LIFR: variants seen among roughly 807,000 people sequenced by gnomAD.
LIFR encodes the protein LIF receptor subunit alpha, also known as leukemia inhibitory factor receptor.
A neutral mutation model predicts 122.2 loss-of-function variants in LIFR; 84 were observed. That is an observed-to-expected ratio of 0.69 (90% CI 0.58 to 0.82). LIFR has a LOEUF of 0.82. LIFR is among the 40% of genes least tolerant of loss of function. The probability of loss-of-function intolerance (pLI) is 0.00; values close to 1 mark genes in which losing one functional copy is unlikely to be tolerated. For missense variants in LIFR, 1,294 were observed against 1,311.6 expected, an observed-to-expected ratio of 0.99 and a Z score of 0.21; for synonymous variants, 422 against 434.7, an observed-to-expected ratio of 0.97 and a Z score of 0.36.
At position 38,482,263 on chromosome 5, in the gene LIFR, C is replaced by T. The variant is rs745327145; in HGVS notation, c.2671-45G>A. The T allele has an allele frequency of 1.1e-5, 17 of 1,564,724 alleles. No individual in the cohort carries two copies. The South Asian group carries it at 1.9e-4, about 17-fold the overall frequency. On this transcript the variant is annotated intron_variant, in intron 19 of 19. Transcript: ENST00000453190. Reference sequence around the variant, plus strand: ...CAGTGATTAAAAATAGCACTAAATGCCATTGCAATGCTCCTCCTATAAAAA... The same window carrying T: ...CAGTGATTAAAAATAGCACTAAATGTCATTGCAATGCTCCTCCTATAAAAA...
chr5:38,596,610 C>T (rs1397505224), upstream of LIFR, among the ~76,000 whole-genome samples: 1 of 152,164 alleles, frequency 6.6e-6, no homozygotes, highest in Non-Finnish European at 1.5e-5. Context: ...AGTGTAAAAT[C>T]GCCCTTACCA....
chr5:38,527,706 G>A (rs571643938), intron 3 of LIFR, among the ~76,000 whole-genome samples: 1 of 152,250 alleles, frequency 6.6e-6, no homozygotes, highest in East Asian at 1.9e-4. Flanking sequence ...CAACTCCCCT[G>A]CTCCTCTGCC....
rs1352525703 is a variant in LIFR at position 38,479,805 on chromosome 5, G to T, written c.*1790C>A. ...GGAAGACAAGAGAACACTCTTTAGG[G>T]ATGGCTCTGATTGGATATATTTTTC... On this transcript the variant is annotated 3_prime_UTR_variant, in exon 20 of 20. Transcript: ENST00000453190. 4.3e-6 allele frequency: 1 copy of T among 230,194 alleles called. No homozygotes were observed. The highest frequency in any genetic ancestry group is 8.6e-6 in the Non-Finnish European group (1 of 116,184). The allele number at this position is 230,194 out of a possible 1,614,324, so 14.3% of individuals were successfully genotyped here.
Position 38,481,495 on chromosome 5 carries a change from A to G in LIFR, c.*100T>C. On this transcript the variant is annotated 3_prime_UTR_variant, in exon 20 of 20. Transcript: ENST00000453190. ...ATGTAGTGAAGTTCACCTCCTAACA[A>G]TACTTCACAGGATCCCTCCAAGAAT... 7.9e-7 allele frequency: 1 copy of G among 1,271,156 alleles called. No homozygotes were observed. Among genetic ancestry groups the G allele is most frequent in the Non-Finnish European group, 1.2e-6 (1 of 868,448 alleles). The allele number at this position is 1,271,156 out of a possible 1,614,324, so 78.7% of individuals were successfully genotyped here. A position where few individuals can be genotyped will look rare whatever the true frequency, so the allele number is the denominator to read the frequency against.
intron 1 of LIFR, among the ~76,000 whole-genome samples, chr5:38,578,426 G>A (rs926641587): frequency 1.2e-4 from 18 of 150,866 alleles, no homozygotes; most frequent in Non-Finnish European, 1.5e-4. Context: ...GGCTGGTCTC[G>A]AACTCCCAAC....
intron 5 of LIFR, among the ~76,000 whole-genome samples, chr5:38,516,169 G>A (rs1165826786): frequency 6.6e-6 from 1 of 152,124 alleles, no homozygotes; most frequent in African/African-American, 2.4e-5. Flanking sequence ...GTTGTAGAAT[G>A]AGCTATATGG....
intron 1 of LIFR, among the ~76,000 whole-genome samples, chr5:38,568,749 C>G (rs528477046): frequency 6.6e-6 from 1 of 152,260 alleles, no homozygotes; most frequent in Non-Finnish European, 1.5e-5. Flanking sequence ...TATAATGCAC[C>G]TTACAGCCAT....
chr5:38,481,691 T>C lies in LIFR; in HGVS notation c.3198A>G (p.Arg1066=), dbSNP rs1743993768. 2 of 1,614,018 alleles carry C rather than the reference T, an allele frequency of 1.2e-6. No individual in the cohort carries two copies. The highest frequency in any genetic ancestry group is 1.7e-6 in the Non-Finnish European group (2 of 1,180,002). ...CATCTTTAGGAGGAATCAAAAATTG[T>C]CGGGAATTAATGGAGCATGGACTTC... ...SFGSPCSINS[R]QFLIPPKDED... The change falls in exon 20 of 20, where the codon CGA becomes CGG. Residue 1066 remains arginine (R), a synonymous_variant. Coordinates refer to ENST00000453190, the MANE Select transcript of LIFR (RefSeq NM_001127671.2).
chr5:38,548,809 T>C (rs957307800), intron 1 of LIFR, among the ~76,000 whole-genome samples: 2 of 152,200 alleles, frequency 1.3e-5, no homozygotes, highest in African/African-American at 4.8e-5. Context: ...TATTTCCCAG[T>C]GACCAGAAGC....
chr5:38,482,742 C>A, intron 18 of LIFR, 75 bp from the exon 19 acceptor site: 1 of 640,092 alleles, frequency 1.6e-6, no homozygotes, highest in Non-Finnish European at 2.6e-6. Context: ...AATCATTAGG[C>A]TTATTTTGAA....
At chr5:38,536,046 G>A (rs1259896052) in intron 1 of LIFR, among the ~76,000 whole-genome samples, 7 of 152,056 alleles carry the variant, frequency 4.6e-5, no homozygotes, top group African/African-American at 1.2e-4. Context: ...GTGTGACATC[G>A]TATCTTTATC....
chr5:38,511,955 T>C lies in LIFR; in HGVS notation c.571A>G (p.Asn191Asp), dbSNP rs1238643995. 3 of 1,613,900 alleles carry C rather than the reference T, an allele frequency of 1.9e-6. No individual in the cohort carries two copies. The highest frequency in any genetic ancestry group is 1.3e-5 in the African/African-American group (1 of 74,904). ...SMELVKLVTH[N>D]TTLNGKDTLH... ...GTATCTTTGCCATTCAGAGTTGTGT[T>C]GTGGGTCACCTAAAAATGAACACAA... The change falls in exon 6 of 20, where the codon AAC (asparagine) becomes GAC (aspartate). Residue 191 changes from asparagine to aspartate, a missense_variant. By Grantham distance (23) the Asn-to-Asp change is conservative. Coordinates refer to ENST00000453190, the MANE Select transcript of LIFR (RefSeq NM_001127671.2).
At chr5:38,537,895 A>C (rs565829954) in intron 1 of LIFR, among the ~76,000 whole-genome samples, 1 of 152,248 alleles carries the variant, frequency 6.6e-6, no homozygotes, top group African/African-American at 2.4e-5. Flanking sequence ...TAGATTCCCC[A>C]ATCGCTTTTA....
chr5:38,480,943 A>G lies in LIFR; in HGVS notation c.*652T>C. On this transcript the variant is annotated 3_prime_UTR_variant, in exon 20 of 20. Coordinates refer to ENST00000453190, the MANE Select transcript of LIFR (RefSeq NM_001127671.2). ...TATGATTTGGGCTGGTCAGTGTCAC[A>G]CTTGTTTTCAAAGTTTGTACCCCTG... The G allele has an allele frequency of 4.5e-6, 1 of 221,146 alleles. No individual in the cohort carries two copies. The highest frequency in any genetic ancestry group is 9.1e-6 in the Non-Finnish European group (1 of 110,242). 13.7% of individuals were successfully genotyped at this position (221,146 alleles called of 1,614,324 possible). A position where few individuals can be genotyped will look rare whatever the true frequency, so the allele number is the denominator to read the frequency against.
upstream of LIFR, chr5:38,558,976 C>T (rs1446188808): frequency 2.6e-5 from 4 of 152,246 alleles, no homozygotes; most frequent in Non-Finnish European, 5.9e-5. Flanking sequence ...GAGGGAAAGT[C>T]CTAGTGGAAA....
intron 1 of LIFR, among the ~76,000 whole-genome samples, chr5:38,580,026 G>A (rs1038377990): frequency 3.3e-5 from 5 of 152,160 alleles, no homozygotes; most frequent in African/African-American, 1.2e-4. Context: ...GGCAATTCCT[G>A]TAAATTGAAG....
rs2112471546 is a variant in LIFR, at chr5:38,505,997, A to G, written c.1199T>C (p.Leu400Pro). The G allele has an allele frequency of 1.9e-6, 3 of 1,608,226 alleles. No homozygotes were observed. Among genetic ancestry groups the G allele is most frequent in the Non-Finnish European group, 2.6e-6 (3 of 1,175,656 alleles). Residue 400 changes from leucine to proline, a missense_variant, in exon 9 of 20, where the codon CTT becomes CCT. By Grantham distance (98) the Leu-to-Pro change is moderately conservative (BLOSUM62 -3). Coordinates refer to ENST00000453190, the MANE Select transcript of LIFR (RefSeq NM_001127671.2). The stretch of plus-strand genomic sequence containing the variant: ...AAAATTATATATTTCTTGATTTGGA[A>G]GCATTTGAAATAATAATTGATAGCT... ...NESYQLLFQM[L>P]PNQEIYNFTL...
chr5:38,583,204 T>C (rs546520055), intron 1 of LIFR, among the ~76,000 whole-genome samples: 5 of 152,376 alleles, frequency 3.3e-5, no homozygotes, highest in African/African-American at 1.2e-4. Flanking sequence ...ATCAGTAATA[T>C]GGTACAACTT....
At chr5:38,532,538 G>A (rs1479846017) in intron 1 of LIFR, among the ~76,000 whole-genome samples, 1 of 152,228 alleles carries the variant, frequency 6.6e-6, no homozygotes, top group Non-Finnish European at 1.5e-5. Flanking sequence ...CTCTGCTGAG[G>A]AGGTCAGTAA....
Sources: gnomAD v4.1 joint callset for allele counts (sites outside exome capture counted in the v4.1 genomes callset) on GRCh38, gnomAD v4.1.1 for gene constraint, MANE v1.5 for transcripts, NCBI Gene and HGNC (gene_info 2026-07-23, HGNC 2026-07-21) for gene names.